Variants in ATP2A1 observed in about 807,000 individuals in gnomAD.
ATP2A1 encodes ATPase sarcoplasmic/endoplasmic reticulum Ca2+ transporting 1.
A neutral mutation model predicts 109.5 loss-of-function variants in ATP2A1; 83 were observed. The observed-to-expected ratio is 0.76, with a 90% CI of 0.63 to 0.91. ATP2A1 has a LOEUF of 0.91. ATP2A1 is among the 40% of genes least tolerant of loss of function. The pLI is 0.00. For synonymous variants in ATP2A1, 505 were observed against 537.6 expected (o/e 0.94, Z 0.84); for missense variants, 1,101 against 1,341.0 (o/e 0.82, Z 2.80).
intron 4 of ATP2A1, among the ~76,000 whole-genome samples, chr16:28,881,840 C>T: frequency 6.6e-6 from 1 of 150,888 alleles, no homozygotes; most frequent in Non-Finnish European, 1.5e-5. Flanking sequence ...TTTCTCTTTG[C>T]CCCAGTGTTA....
At position 28,894,603 on chromosome 16, in the gene ATP2A1, A is replaced by G. The variant is rs138267146; in HGVS notation, c.1283A>G (p.Asn428Ser). Residue 428 changes from asparagine to serine, a missense_variant, in exon 11 of 23, where the codon AAC (asparagine) becomes AGC (serine). Asn to Ser is a conservative substitution (Grantham distance 46, BLOSUM62 1). Transcript: ENST00000395503. ...TGCAATGACTCCTCCTTGGACTTCA[A>G]CGAGGTAACCTCTCCTTCCCCTTCC... Reference protein sequence around the residue: ...ALCNDSSLDFNEAKGVYEKVG... With the variant: ...ALCNDSSLDFSEAKGVYEKVG... 6.6e-5 allele frequency: 106 copies of G among 1,613,934 alleles called. No individual in the cohort carries two copies. Among genetic ancestry groups the G allele is most frequent in the Non-Finnish European group, 8.1e-5 (95 of 1,179,972 alleles).
chr16:28,889,881 C>T, intron 9 of ATP2A1, among the ~76,000 whole-genome samples: 1 of 152,214 alleles, frequency 6.6e-6, no homozygotes, highest in Non-Finnish European at 1.5e-5. Context: ...CAATGGCTAA[C>T]GCCTGTAATC....
In ATP2A1 at chr16:28,900,631, G is replaced by C. The variant is rs1057522782; in HGVS notation, c.1815G>C (p.Lys605Asn). ...GVVGMLDPPR[K>N]EVTGSIQLCR... Reference sequence around the variant, plus strand: ...TGGGCATGCTGGACCCTCCGCGCAAGGAGGTCACGGGCTCCATCCAGCTGT... The same window carrying C: ...TGGGCATGCTGGACCCTCCGCGCAACGAGGTCACGGGCTCCATCCAGCTGT... Residue 605 changes from lysine to asparagine, a missense_variant, in exon 15 of 23, where the codon AAG becomes AAC. By Grantham distance (94) the Lys-to-Asn change is moderately conservative. Coordinates refer to ENST00000395503, the MANE Select transcript of ATP2A1 (RefSeq NM_004320.6). 2 of 1,598,286 alleles carry C rather than the reference G, an allele frequency of 1.3e-6. No individual in the cohort carries two copies. The highest frequency in any genetic ancestry group is 1.7e-4 in the Middle Eastern group (1 of 5,988).
chr16:28,891,595 A>ATAATAATAAT (rs1567485047), intron 9 of ATP2A1, among the ~76,000 whole-genome samples: 1 of 150,276 alleles, frequency 6.7e-6, no homozygotes, highest in Admixed American at 6.7e-5. Context: ...GTCTCAAAAA[A>ATAATAATAAT]AAAAAAAAAA....
Position 28,904,376 on chromosome 16 carries a change from T to G in ATP2A1, c.*234T>G, listed in dbSNP as rs1749997734. 3 of 1,538,156 alleles carry G rather than the reference T, an allele frequency of 2.0e-6. No individual in the cohort carries two copies. Among genetic ancestry groups the G allele is most frequent in the South Asian group, 2.4e-5 (2 of 84,068 alleles). On this transcript the variant is annotated 3_prime_UTR_variant, in exon 23 of 23. Transcript: ENST00000395503. Reference sequence around the variant, plus strand: ...CCGCCTCCCTCTCAACCTTGTAAATTCCCCTTCCCAACCCCGAGGGGCTTG... The same window carrying G: ...CCGCCTCCCTCTCAACCTTGTAAATGCCCCTTCCCAACCCCGAGGGGCTTG...
chr16:28,892,113 CTATT>C, intron 9 of ATP2A1, among the ~76,000 whole-genome samples: 1 of 152,124 alleles, frequency 6.6e-6, no homozygotes, highest in South Asian at 2.1e-4. Flanking sequence ...ATAAATTATG[CTATT>C]TTGAGAGATC....
rs1963402385 is a variant in ATP2A1 at position 28,879,794 on chromosome 16, G to T, written c.219+211G>T. 6 of 695,302 alleles carry T rather than the reference G, an allele frequency of 8.6e-6. No individual in the cohort carries two copies. The East Asian group carries it at 1.7e-4, about 19-fold the overall frequency. 43.1% of individuals were successfully genotyped at this position (695,302 alleles called of 1,614,324 possible). On this transcript the variant is annotated intron_variant, in intron 3 of 22. Transcript: ENST00000395503. ...GCAGGTTTTATTTTAAGCTTTAAGG[G>T]TGTTCTCAGCCAAAACACCGAAGCT... is the stretch of plus-strand genomic sequence containing the variant.
intron 11 of ATP2A1, 104 bp downstream of exon 11, chr16:28,894,711 C>G: frequency 6.3e-7 from 1 of 1,598,146 alleles, no homozygotes; most frequent in South Asian, 1.1e-5. Context: ...AGCCCTCTGC[C>G]AGGGTGCAAG....
chr16:28,897,604 G>A (rs892702557), intron 12 of ATP2A1, among the ~76,000 whole-genome samples: 6 of 152,076 alleles, frequency 3.9e-5, no homozygotes, highest in South Asian at 2.1e-4. Context: ...ACAATGGTGC[G>A]ATCTTGGCTC....
At chr16:28,899,389 C>T (rs946006214) in intron 14 of ATP2A1, among the ~76,000 whole-genome samples, 1 of 152,174 alleles carries the variant, frequency 6.6e-6, no homozygotes, top group Non-Finnish European at 1.5e-5. Flanking sequence ...ATCTGTAATC[C>T]CAGCATTTTG....
Position 28,880,465 on chromosome 16 carries a change from T to C in ATP2A1, c.220-450T>C, listed in dbSNP as rs971486003. Reference sequence around the variant, plus strand: ...GCGCGCGCAGGAGGCCCCGTAACCCTATCCCCGCTCCGGCTCCCTCGTGAA... The same window carrying C: ...GCGCGCGCAGGAGGCCCCGTAACCCCATCCCCGCTCCGGCTCCCTCGTGAA... On this transcript the variant is annotated intron_variant, in intron 3 of 22. Coordinates refer to ENST00000395503, the MANE Select transcript of ATP2A1 (RefSeq NM_004320.6). The surrounding 1 kb of genome is among the most constrained non-coding windows in gnomAD (Gnocchi z 4.2). 1.3e-5 allele frequency among the ~76,000 whole-genome samples: 2 copies of C among 152,242 alleles called. No individual in the cohort carries two copies. Among genetic ancestry groups the C allele is most frequent in the Admixed American group, 1.3e-4 (2 of 15,288 alleles).
intron 10 of ATP2A1, 40 bp downstream of exon 10, chr16:28,894,283 C>G (rs1282741868): frequency 6.3e-7 from 1 of 1,575,248 alleles, no homozygotes; most frequent in Non-Finnish European, 8.7e-7. Context: ...TCCTCACGCC[C>G]CTTCCCACAC....
chr16:28,879,292 C>A, intron 2 of ATP2A1, 176 bp downstream of exon 2: 1 of 939,776 alleles, frequency 1.1e-6, no homozygotes, highest in East Asian at 2.5e-5. Context: ...GGCGCTTTCT[C>A]CTTGAAGCAG....
rs1272465435 is a variant in ATP2A1, at chr16:28,903,902, C to T, written c.*37+161C>T. 3 of 796,462 alleles carry T rather than the reference C, an allele frequency of 3.8e-6. No individual in the cohort carries two copies. 49.3% of individuals were successfully genotyped at this position (796,462 alleles called of 1,614,324 possible). A position where few individuals can be genotyped will look rare whatever the true frequency, so the allele number is the denominator to read the frequency against. ...CTTCCAGTCAGGGTGGGCCGCTGGC[C>T]TCCCACTGGGCGTCAGTTTGGCTCC... On this transcript the variant is annotated intron_variant, in intron 22 of 22. Coordinates refer to ENST00000395503, the MANE Select transcript of ATP2A1 (RefSeq NM_004320.6). The surrounding 1 kb of genome is among the most constrained non-coding windows in gnomAD (Gnocchi z 5.6).
At position 28,902,016 on chromosome 16, in the gene ATP2A1, G is replaced by T. The variant is rs201798363; in HGVS notation, c.2254G>T (p.Ala752Ser). 6.2e-7 allele frequency: 1 copy of T among 1,614,108 alleles called. No homozygotes were observed. Among genetic ancestry groups the T allele is most frequent in the African/African-American group, 1.3e-5 (1 of 74,934 alleles). Residue 752 changes from alanine (A) to serine (S), a missense_variant, in exon 16 of 23, where the codon GCC (alanine) becomes TCC (serine). Coordinates refer to ENST00000395503, the MANE Select transcript of ATP2A1 (RefSeq NM_004320.6). The surrounding 1 kb of genome is among the most constrained non-coding windows in gnomAD (Gnocchi z 4.8). ...TIVAAVEEGRAIYNNMKQFIR... is the reference protein window; with the variant it reads ...TIVAAVEEGRSIYNNMKQFIR... ...CGTAGCTGCTGTGGAGGAGGGCCGC[G>T]CCATCTACAACAACATGAAGCAGTT...
At position 28,898,153 on chromosome 16, in the gene ATP2A1, C is replaced by A; in HGVS notation, c.1545+28C>A. 6.2e-7 allele frequency: 1 copy of A among 1,614,202 alleles called. No homozygotes were observed. Among genetic ancestry groups the A allele is most frequent in the Non-Finnish European group, 8.5e-7 (1 of 1,180,038 alleles). ...CAGAAATCGGAATGTGCCTCAGCCC[C>A]CTCTTCTTCCTACTCCTAGCCACCT... On this transcript the variant is annotated intron_variant, in intron 13 of 22. Transcript: ENST00000395503. This position sits in a 1 kb window ranked among gnomAD's most constrained non-coding sequence, Gnocchi z 4.0.
At position 28,880,236 on chromosome 16, in the gene ATP2A1, C is replaced by T. The variant is rs1245195807; in HGVS notation, c.219+653C>T. 6 of 679,576 alleles carry T rather than the reference C, an allele frequency of 8.8e-6. No homozygotes were observed. Among genetic ancestry groups the T allele is most frequent in the Non-Finnish European group, 1.1e-5 (6 of 546,772 alleles). 42.1% of individuals were successfully genotyped at this position (679,576 alleles called of 1,614,324 possible). A position where few individuals can be genotyped will look rare whatever the true frequency, so the allele number is the denominator to read the frequency against. On this transcript the variant is annotated intron_variant, in intron 3 of 22. Coordinates refer to ENST00000395503, the MANE Select transcript of ATP2A1 (RefSeq NM_004320.6). This position sits in a 1 kb window ranked among gnomAD's most constrained non-coding sequence, Gnocchi z 4.2. ...GCCCTGGGGGCTACTCCCCATCCCG[C>T]GGTCCATCTGCATGTCGCGGGTTCT...
At chr16:28,896,022 G>A (rs1963908679) in intron 12 of ATP2A1, among the ~76,000 whole-genome samples, 1 of 152,000 alleles carries the variant, frequency 6.6e-6, no homozygotes, top group Admixed American at 6.6e-5. Flanking sequence ...ATTCATAGGT[G>A]TGATCACAGC....
chr16:28,890,120 C>T (rs1963728782), intron 9 of ATP2A1, among the ~76,000 whole-genome samples: 2 of 151,478 alleles, frequency 1.3e-5, no homozygotes, highest in African/African-American at 2.4e-5. Context: ...CCAGTGTGGG[C>T]GACGGAGTAA....
Sources: allele counts gnomAD v4.1 joint callset (sites outside exome capture counted in the v4.1 genomes callset), GRCh38; gene constraint gnomAD v4.1.1; non-coding constraint Gnocchi (gnomAD v3.1); transcripts MANE v1.5; gene names NCBI Gene and HGNC (gene_info 2026-07-23, HGNC 2026-07-21).